Variants in CLEC4A observed in about 807,000 individuals in gnomAD.
CLEC4A encodes C-type lectin domain family 4 member A.
Under a neutral mutation model 32.7 loss-of-function variants are expected in CLEC4A, and 27 were observed. That is an observed-to-expected ratio of 0.83 (90% CI 0.61 to 1.14). CLEC4A has a LOEUF of 1.14. Among genes scored for constraint, CLEC4A ranks in the 50% most tolerant of loss-of-function variants. CLEC4A has a pLI of 0.00. For synonymous variants in CLEC4A, 89 were observed against 93.7 expected (o/e 0.95, Z 0.29); for missense variants, 253 against 274.6 (o/e 0.92, Z 0.55).
intron 4 of CLEC4A, among the ~76,000 whole-genome samples, chr12:8,136,393 A>G (rs1948116269): frequency 6.6e-6 from 1 of 152,012 alleles, no homozygotes; most frequent in East Asian, 1.9e-4. Context: ...GGTGAAACCC[A>G]GCCTCTACTA....
At position 8,135,655 on chromosome 12, in the gene CLEC4A, A is replaced by G. The variant is rs761771589; in HGVS notation, c.369A>G (p.Glu123=). 2 of 1,614,208 alleles carry G rather than the reference A, an allele frequency of 1.2e-6. No homozygotes were observed. The highest frequency in any genetic ancestry group is 3.3e-5 in the Admixed American group (2 of 60,032). The change falls in exon 4 of 6, where the codon GAA becomes GAG. Residue 123 remains glutamate (E), a synonymous_variant. Transcript: ENST00000229332. ...CCAACTGCTACTTTATTTCTACTGA[A>G]TCAGCATCTTGGCAAGACAGTGAGA... is the stretch of plus-strand genomic sequence containing the variant. The part of the protein sequence containing the change: ...FSSNCYFIST[E]SASWQDSEKD...
the CLEC4A span, among the ~76,000 whole-genome samples, chr12:8,110,532 T>G: frequency 6.6e-6 from 1 of 152,200 alleles, no homozygotes; most frequent in Non-Finnish European, 1.5e-5. Context: ...CCCAAGTTCC[T>G]GTTCATCCAC....
chr12:8,110,107 C>T, the CLEC4A span, among the ~76,000 whole-genome samples: 2 of 152,126 alleles, frequency 1.3e-5, no homozygotes, highest in African/African-American at 4.8e-5. Context: ...AAACCCCAAA[C>T]CAACTGTCTT....
At chr12:8,136,187 G>T (rs1948113406) in intron 4 of CLEC4A, among the ~76,000 whole-genome samples, 1 of 152,318 alleles carries the variant, frequency 6.6e-6, no homozygotes, top group East Asian at 1.9e-4. Flanking sequence ...ATTTTCTCAT[G>T]TACAACTTTG....
At chr12:8,103,106 C>G in the CLEC4A span, among the ~76,000 whole-genome samples, 2 of 152,100 alleles carry the variant, frequency 1.3e-5, no homozygotes, top group Non-Finnish European at 2.9e-5. Context: ...TGTATTACTC[C>G]TCACTTCCTC....
At chr12:8,134,634 A>G (rs747931756) in intron 3 of CLEC4A, 27 of 1,608,006 alleles carry the variant, frequency 1.7e-5, no homozygotes, top group Non-Finnish European at 2.3e-5. Context: ...ACAGTACGCC[A>G]TCCCCCCGCA....
chr12:8,138,286 G>C lies in CLEC4A; in HGVS notation c.713G>C (p.Ter238SerextTer6). Residue 238 changes from the stop codon to serine (S), a stop_lost, in exon 6 of 6, where the codon TGA becomes TCA. Coordinates refer to ENST00000229332, the MANE Select transcript of CLEC4A (RefSeq NM_016184.4). The stretch of plus-strand genomic sequence containing the variant: ...TGTGAGATGATGAAGATCCACTTAT[G>C]AACTGAACATTCTCCATGAACAGGT... ...SVCEMMKIHL[*>S] 1 of 1,614,052 alleles carries C rather than the reference G, an allele frequency of 6.2e-7. No individual in the cohort carries two copies. Among genetic ancestry groups the C allele is most frequent in the Admixed American group, 1.7e-5 (1 of 60,008 alleles).
At position 8,135,579 on chromosome 12, in the gene CLEC4A, A is replaced by C. The variant is rs766010536; in HGVS notation, c.299-6A>C. The C allele has an allele frequency of 3.1e-6, 5 of 1,613,878 alleles. No homozygotes were observed. The highest frequency in any genetic ancestry group is 4.2e-6 in the Non-Finnish European group (5 of 1,179,916). On this transcript the variant is annotated splice_region_variant and splice_polypyrimidine_tract_variant and intron_variant, in intron 3 of 5. Coordinates refer to ENST00000229332, the MANE Select transcript of CLEC4A (RefSeq NM_016184.4). The stretch of plus-strand genomic sequence containing the variant: ...TTGCACGTATGTGCCCCTCTTCCCA[A>C]TACAGAGACAGCCTGGAGCTGTTGC...
chr12:8,119,278 G>T (rs1433210343), upstream of CLEC4A, among the ~76,000 whole-genome samples: 2 of 152,228 alleles, frequency 1.3e-5, no homozygotes, highest in Non-Finnish European at 2.9e-5. Flanking sequence ...AGGCTGGAGT[G>T]CAATGGTGCG....
At chr12:8,130,695 A>G (rs141247170) in intron 3 of CLEC4A, among the ~76,000 whole-genome samples, 2 of 152,282 alleles carry the variant, frequency 1.3e-5, no homozygotes, top group East Asian at 3.9e-4. Flanking sequence ...GTTATTTTTA[A>G]GAACAGTTTT....
At chr12:8,131,707 A>T (rs1768253108) in intron 3 of CLEC4A, among the ~76,000 whole-genome samples, 1 of 152,056 alleles carries the variant, frequency 6.6e-6, no homozygotes, top group South Asian at 2.1e-4. Context: ...AACCATCACA[A>T]GTATCTATAT....
chr12:8,122,353 A>G (rs962175330), upstream of CLEC4A, among the ~76,000 whole-genome samples: 6 of 151,470 alleles, frequency 4.0e-5, no homozygotes, highest in Non-Finnish European at 8.9e-5. Context: ...CTAGGGGACC[A>G]GCATCAGGAA....
chr12:8,130,859 A>T (rs1296140396), intron 3 of CLEC4A, among the ~76,000 whole-genome samples: 3 of 152,168 alleles, frequency 2.0e-5, no homozygotes. Context: ...ATTAAAATTC[A>T]CAATTTTCAG....
the CLEC4A span, among the ~76,000 whole-genome samples, chr12:8,112,586 T>C: frequency 2.0e-5 from 3 of 152,198 alleles, no homozygotes; most frequent in Non-Finnish European, 2.9e-5. Flanking sequence ...TACTATCTTT[T>C]TTTTTCATGT....
At chr12:8,127,069 T>C (rs1333764789) in intron 2 of CLEC4A, among the ~76,000 whole-genome samples, 1 of 152,222 alleles carries the variant, frequency 6.6e-6, no homozygotes, top group Non-Finnish European at 1.5e-5. Context: ...TTTATTTAGC[T>C]CATAAATCTG....
At chr12:8,112,091 C>T in the CLEC4A span, among the ~76,000 whole-genome samples, 1 of 152,098 alleles carries the variant, frequency 6.6e-6, no homozygotes, top group South Asian at 2.1e-4. Flanking sequence ...GCCTCAGCCT[C>T]CTGAGTAGCT....
At chr12:8,134,675 C>G (rs1335301093) in intron 3 of CLEC4A, 3 of 1,582,062 alleles carry the variant, frequency 1.9e-6, no homozygotes, top group Non-Finnish European at 2.6e-6. Flanking sequence ...ATGGGGGAAT[C>G]CCCCACTCCT....
chr12:8,126,371 A>ATTTTTTTTTTTTTTTTTTTTTTTTTTTT (rs55729993), intron 2 of CLEC4A, among the ~76,000 whole-genome samples: 1 of 115,696 alleles, frequency 8.6e-6, no homozygotes. Context: ...TGCTCAGCTA[A>ATTTTTTTTTTTTTTTTTTTTTTTTTTTT]TTTTTTTTTT....
intron 3 of CLEC4A, among the ~76,000 whole-genome samples, chr12:8,133,270 A>G (rs930058377): frequency 2.0e-5 from 3 of 151,804 alleles, no homozygotes; most frequent in Non-Finnish European, 1.5e-5. Context: ...AGGCTGGTCT[A>G]GAACTCCCGA....
Sources: allele counts gnomAD v4.1 joint callset (sites outside exome capture counted in the v4.1 genomes callset), GRCh38; gene constraint gnomAD v4.1.1; transcripts MANE v1.5; gene names NCBI Gene and HGNC (gene_info 2026-07-23, HGNC 2026-07-21).